GEN1: variants seen among roughly 807,000 people sequenced by gnomAD.
GEN1 encodes flap endonuclease GEN homolog 1.
A neutral mutation model predicts 67.6 loss-of-function variants in GEN1; 64 were observed. The ratio of observed to expected loss-of-function variants is 0.95; its 90% CI spans 0.77 to 1.17. The LOEUF is 1.17. GEN1 is among the 50% of genes most tolerant of loss of function. The pLI is 0.00. For synonymous variants in GEN1, 371 were observed against 359.4 expected (o/e 1.03, Z -0.37); for missense variants, 1,058 against 1,048.3 (o/e 1.01, Z -0.13).
chr2:17,778,020 C>G lies in GEN1; in HGVS notation c.1221C>G (p.Ile407Met), dbSNP rs1472134317. 1 of 1,593,726 alleles carries G rather than the reference C, an allele frequency of 6.3e-7. No individual in the cohort carries two copies. Among genetic ancestry groups the G allele is most frequent in the South Asian group, 1.1e-5 (1 of 90,268 alleles). The change falls in exon 12 of 14, where the codon ATC (isoleucine) becomes ATG (methionine). Residue 407 changes from isoleucine (I) to methionine (M), a missense_variant. Coordinates refer to ENST00000381254, the MANE Select transcript of GEN1 (RefSeq NM_001130009.3). ...LQPIRIVKTR[I>M]RNGVHCFEIE... is the part of the protein sequence containing the mutation. ...TTTTCAGAATTGTTAAGACTCGAAT[C>G]AGAAATGGAGTTCATTGTTTTGAAA...
intron 7 of GEN1, 53 bp from the exon 8 acceptor site, chr2:17,772,581 A>G: frequency 6.6e-7 from 1 of 1,511,920 alleles, no homozygotes; most frequent in Non-Finnish European, 9.0e-7. Flanking sequence ...ATGTATGTAG[A>G]AAGTAATTAT....
Position 17,778,277 on chromosome 2 carries a change from T to C in GEN1, c.1264+214T>C, listed in dbSNP as rs1320612480. 1.7e-4 allele frequency among the ~76,000 whole-genome samples: 6 copies of C among 35,222 alleles called. 2 individuals carry two copies. Among genetic ancestry groups the C allele is most frequent in the Non-Finnish European group, 4.3e-4 (6 of 13,914 alleles). 23.1% of individuals were successfully genotyped at this position (35,222 alleles called of 152,430 possible). On this transcript the variant is annotated intron_variant, in intron 12 of 13. Transcript: ENST00000381254. ...ACACACATATGTGTGTACATATATGTATATACACACACATGTGTGTGTACA... is the reference window on the plus strand; with the variant it reads ...ACACACATATGTGTGTACATATATGCATATACACACACATGTGTGTGTACA...
chr2:17,778,229 T>TATATGTATACACACAC (rs1672569329), intron 12 of GEN1, among the ~76,000 whole-genome samples, 166 bp downstream of exon 12: 6 of 131,520 alleles, frequency 4.6e-5, no homozygotes, highest in African/African-American at 1.6e-4. Context: ...TACACACACA[T>TATATGTATACACACAC]ATATGTGTGT....
Position 17,770,313 on chromosome 2 carries a change from A to G in GEN1, c.711-883A>G, listed in dbSNP as rs901836323. 3.0e-4 allele frequency among the ~76,000 whole-genome samples: 46 copies of G among 152,108 alleles called. 1 individual carries two copies. In the South Asian group the frequency reaches 9.0e-3, roughly 30 times the overall value. ...TGACTTTTCCTCTCAGTTATTTTTA[A>G]TTTTTGCCGTGCTATTCTTTATCTG... On this transcript the variant is annotated intron_variant, in intron 6 of 13. Coordinates refer to ENST00000381254, the MANE Select transcript of GEN1 (RefSeq NM_001130009.3).
rs763969265 is a variant in GEN1 at position 17,772,836 on chromosome 2, C to A, written c.953+52C>A. ...TTTCCTGGCATGACCTATACACATA[C>A]CTTTGGTTGAATTATTTCCATATAA... On this transcript the variant is annotated intron_variant, in intron 8 of 13. Transcript: ENST00000381254. 6 of 1,409,372 alleles carry A rather than the reference C, an allele frequency of 4.3e-6. No individual in the cohort carries two copies. The Admixed American group carries it at 9.0e-5, about 21-fold the overall frequency. The allele number at this position is 1,409,372 out of a possible 1,614,324, so 87.3% of individuals were successfully genotyped here. A position where few individuals can be genotyped will look rare whatever the true frequency, so the allele number is the denominator to read the frequency against.
intron 12 of GEN1, 152 bp downstream of exon 12, chr2:17,778,215 T>TACACACACATATATGTGTGTACATATAG (rs1672563148): frequency 4.3e-6 from 2 of 462,032 alleles, no homozygotes; most frequent in African/African-American, 4.3e-5. Flanking sequence ...TGTATATATA[T>TACACACACATATATGTGTGTACATATAG]GTATACACAC....
Position 17,771,285 on chromosome 2 carries a change from C to G in GEN1, c.800C>G (p.Pro267Arg). 1 of 1,577,102 alleles carries G rather than the reference C, an allele frequency of 6.3e-7. No individual in the cohort carries two copies. ...KLAHCSVCSH[P>R]GSPKDHERNG... ...GCTCATTGTTCCGTATGTTCCCATCCAGGTAAGGAGACATAGGGAATGGTT... is the reference window on the plus strand; with the variant it reads ...GCTCATTGTTCCGTATGTTCCCATCGAGGTAAGGAGACATAGGGAATGGTT... Residue 267 changes from proline (P) to arginine (R), a missense_variant and splice_region_variant, in exon 7 of 14, where the codon CCA becomes CGA. Pro to Arg is a moderately radical substitution (Grantham distance 103, BLOSUM62 -2). Transcript: ENST00000381254.
intron 10 of GEN1, among the ~76,000 whole-genome samples, chr2:17,773,651 G>T (rs964506389): frequency 2.6e-5 from 4 of 152,016 alleles, no homozygotes; most frequent in Admixed American, 2.0e-4. Context: ...TGAAATTAAT[G>T]ACCTAAATTT....
chr2:17,777,970 A>G lies in GEN1; in HGVS notation c.1203-32A>G, dbSNP rs985007693. 6 of 1,248,294 alleles carry G rather than the reference A, an allele frequency of 4.8e-6. No individual in the cohort carries two copies. The African/African-American group carries it at 5.9e-5, about 12-fold the overall frequency. 77.3% of individuals were successfully genotyped at this position (1,248,294 alleles called of 1,614,324 possible). A position where few individuals can be genotyped will look rare whatever the true frequency, so the allele number is the denominator to read the frequency against. ...GGAAAATTTCCAAATATCTTATGCA[A>G]TTAGACTTCATTAAATGAATTTGTT... is the stretch of plus-strand genomic sequence containing the variant. On this transcript the variant is annotated intron_variant, in intron 11 of 13. Coordinates refer to ENST00000381254, the MANE Select transcript of GEN1 (RefSeq NM_001130009.3).
In GEN1 at chr2:17,771,192, A is replaced by C. The variant is rs1672173295; in HGVS notation, c.711-4A>C. ...CTTTTTTTAAAAACCACTTTCTATTAAAGGTTTAATCGGTGGAATGAAACA... is the reference window on the plus strand; with the variant it reads ...CTTTTTTTAAAAACCACTTTCTATTCAAGGTTTAATCGGTGGAATGAAACA... On this transcript the variant is annotated splice_polypyrimidine_tract_variant and splice_region_variant and intron_variant, in intron 6 of 13. Coordinates refer to ENST00000381254, the MANE Select transcript of GEN1 (RefSeq NM_001130009.3). 1 of 1,594,246 alleles carries C rather than the reference A, an allele frequency of 6.3e-7. No individual in the cohort carries two copies. Among genetic ancestry groups the C allele is most frequent in the Non-Finnish European group, 8.6e-7 (1 of 1,162,450 alleles).
intron 11 of GEN1, among the ~76,000 whole-genome samples, chr2:17,775,615 A>G (rs528472849): frequency 6.6e-6 from 1 of 152,358 alleles, no homozygotes; most frequent in Admixed American, 6.5e-5. Flanking sequence ...TGTTAAAACC[A>G]TTAGATGAAA....
chr2:17,756,033 GA>G (rs1161458654), intron 1 of GEN1, among the ~76,000 whole-genome samples: 1 of 152,122 alleles, frequency 6.6e-6, no homozygotes, highest in Admixed American at 6.5e-5. Context: ...GAAATAGAGT[GA>G]TTTTTTTTTA....
chr2:17,764,214 C>T (rs1572395611), intron 3 of GEN1, among the ~76,000 whole-genome samples: 1 of 152,130 alleles, frequency 6.6e-6, no homozygotes, highest in African/African-American at 2.4e-5. Flanking sequence ...CGCAGTTTCC[C>T]ACAATACGAG....
In GEN1 at chr2:17,781,145, A is replaced by C. The variant is rs771669962; in HGVS notation, c.1933A>C (p.Lys645Gln). Residue 645 changes from lysine (K) to glutamine (Q), a missense_variant, in exon 14 of 14, where the codon AAA (lysine) becomes CAA (glutamine). Transcript: ENST00000381254. The part of the protein sequence containing the change: ...ESERYTANIK[K>Q]VLDEDSDGIS... ...AGAAAGGTACACTGCAAACATAAAG[A>C]AAGTGTTGGATGAGGATTCTGATGG... is the stretch of plus-strand genomic sequence containing the variant. 1.2e-6 allele frequency: 2 copies of C among 1,613,932 alleles called. No individual in the cohort carries two copies. The highest frequency in any genetic ancestry group is 2.2e-5 in the East Asian group (1 of 44,870).
rs1391063162 is a variant in GEN1 at position 17,757,554 on chromosome 2, CAG to C, written c.-15-2374_-15-2373del. Among the ~76,000 whole-genome samples, 7 of 152,216 alleles carry C rather than the reference CAG, an allele frequency of 4.6e-5. No individual in the cohort carries two copies. The South Asian group carries it at 8.3e-4, about 18-fold the overall frequency. On this transcript the variant is annotated intron_variant, in intron 1 of 13. Coordinates refer to ENST00000381254, the MANE Select transcript of GEN1 (RefSeq NM_001130009.3). ...AACCTACGAAAGGAATCATTAGAAA[CAG>C]GGTAGGAATGTTGAACCTTAGAACC...
At chr2:17,779,489 A>G (rs1672720312) in intron 12 of GEN1, among the ~76,000 whole-genome samples, 1 of 152,262 alleles carries the variant, frequency 6.6e-6, no homozygotes. Context: ...AAAATAAATT[A>G]TGTACTGCTA....
At chr2:17,756,395 T>C (rs1340418836) in intron 1 of GEN1, among the ~76,000 whole-genome samples, 2 of 152,226 alleles carry the variant, frequency 1.3e-5, no homozygotes, top group Non-Finnish European at 2.9e-5. Flanking sequence ...TAAAAAATTA[T>C]GAAGATGTTA....
chr2:17,784,621 CAACTAGATT>C lies in GEN1; in HGVS notation c.*2684_*2692del, dbSNP rs1228185408. 4 of 152,180 alleles carry C rather than the reference CAACTAGATT, an allele frequency of 2.6e-5. No homozygotes were observed. Among genetic ancestry groups the C allele is most frequent in the Non-Finnish European group, 5.9e-5 (4 of 68,026 alleles). 9.4% of individuals were successfully genotyped at this position (152,180 alleles called of 1,614,324 possible). A position where few individuals can be genotyped will look rare whatever the true frequency, so the allele number is the denominator to read the frequency against. ...TATTAGCTATTGTGTGCTAAGCATT[CAACTAGATT>C]ATTTACAAACCTTGTATCATCTCAA... On this transcript the variant is annotated 3_prime_UTR_variant, in exon 14 of 14. Transcript: ENST00000381254.
At chr2:17,764,576 A>T (rs1339202254) in intron 3 of GEN1, among the ~76,000 whole-genome samples, 2 of 152,156 alleles carry the variant, frequency 1.3e-5, no homozygotes, top group Admixed American at 6.6e-5. Flanking sequence ...CTATCCACAC[A>T]TCATTTTGAA....
Sources: allele counts gnomAD v4.1 joint callset (sites outside exome capture counted in the v4.1 genomes callset), GRCh38; gene constraint gnomAD v4.1.1; transcripts MANE v1.5; gene names NCBI Gene and HGNC (gene_info 2026-07-23, HGNC 2026-07-21).